The following NUP43 variants were observed in gnomAD, a reference collection of about 807,000 sequenced individuals.
NUP43 encodes the protein nucleoporin Nup43.
NUP43 carries 32 observed loss-of-function variants against 47.3 expected under a neutral mutation model. That is an observed-to-expected ratio of 0.68 (90% CI 0.51 to 0.91). The LOEUF (loss-of-function observed/expected upper bound fraction) is 0.91, where lower values mean the gene tolerates loss of function less well. Ranked by LOEUF, NUP43 falls within the 40% of genes least tolerant of loss-of-function variation. The pLI is 0.00. For synonymous variants in NUP43, 147 were observed against 158.4 expected (o/e 0.93, Z 0.54); for missense variants, 444 against 453.9 (o/e 0.98, Z 0.20).
chr6:149,734,014 G>A (rs1431645191), intron 6 of NUP43, among the ~76,000 whole-genome samples: 2 of 151,674 alleles, frequency 1.3e-5, no homozygotes, highest in Non-Finnish European at 2.9e-5. Context: ...AGTAGCGACG[G>A]GCTTTCTCCA....
intron 4 of NUP43, 49 bp from the exon 5 acceptor site, chr6:149,738,827 C>T (rs764992532): frequency 1.6e-6 from 2 of 1,233,968 alleles, no homozygotes; most frequent in Non-Finnish European, 2.1e-6. Context: ...CCCTTTTTTT[C>T]CCAAGAAAAT....
At chr6:149,740,384 A>G (rs1318983926) in intron 4 of NUP43, among the ~76,000 whole-genome samples, 1 of 152,010 alleles carries the variant, frequency 6.6e-6, no homozygotes, top group Non-Finnish European at 1.5e-5. Flanking sequence ...TAATCCCAGC[A>G]CTTTGGGAGG....
At chr6:149,747,475 A>C (rs1786073643), upstream of NUP43, among the ~76,000 whole-genome samples, 1 of 141,696 alleles carries the variant, frequency 7.1e-6, no homozygotes, top group African/African-American at 2.7e-5. Context: ...TTTTGGAGAG[A>C]CGGGATTTCA....
At chr6:149,733,053 C>T (rs1785141751) in intron 6 of NUP43, among the ~76,000 whole-genome samples, 6 of 151,974 alleles carry the variant, frequency 3.9e-5, no homozygotes, top group Admixed American at 3.9e-4. Context: ...CTAGGAATGA[C>T]TGTCTTTTAC....
chr6:149,727,121 G>A lies in NUP43; in HGVS notation c.991C>T (p.Leu331Phe). 1 of 1,614,154 alleles carries A rather than the reference G, an allele frequency of 6.2e-7. No individual in the cohort carries two copies. Among genetic ancestry groups the A allele is most frequent in the Non-Finnish European group, 8.5e-7 (1 of 1,180,016 alleles). ...NVHQSVISSW[L>F]STDPAKDRIE... The stretch of plus-strand genomic sequence containing the variant: ...CGGTCTTTTGCAGGATCAGTGCTGA[G>A]CCAGGAGCTAATGACAGACTGGTGA... The change falls in exon 8 of 8, where the codon CTC (leucine) becomes TTC (phenylalanine). Residue 331 changes from leucine (L) to phenylalanine (F), a missense_variant. By Grantham distance (22) the Leu-to-Phe change is conservative (BLOSUM62 0). Transcript: ENST00000340413.
chr6:149,730,011 CTTT>C (rs748964252), intron 7 of NUP43, among the ~76,000 whole-genome samples: 6 of 142,006 alleles, frequency 4.2e-5, no homozygotes, highest in Non-Finnish European at 4.7e-5. Flanking sequence ...AAAGCACGCC[CTTT>C]TTTTTTTTTT....
At chr6:149,736,655 A>C in intron 5 of NUP43, 33 bp from the exon 6 acceptor site, 1 of 1,535,082 alleles carries the variant, frequency 6.5e-7, no homozygotes, top group Non-Finnish European at 8.9e-7. Flanking sequence ...CGTCAAAATC[A>C]AATAAAGTAT....
rs1426283405 is a variant in NUP43, at chr6:149,745,962, T to C, written c.221A>G (p.His74Arg). The part of the protein sequence containing the change: ...DHQLLCDIRH[H>R]GDVMDLQFFD... ...TACCTGTAAATCCATTACATCACCA[T>C]GGTGTCTGATATCACACAATAACTG... Residue 74 changes from histidine to arginine, a missense_variant, in exon 2 of 8, where the codon CAT (histidine) becomes CGT (arginine). Transcript: ENST00000340413. 1 of 1,612,676 alleles carries C rather than the reference T, an allele frequency of 6.2e-7. No homozygotes were observed. The highest frequency in any genetic ancestry group is 1.7e-5 in the Admixed American group (1 of 59,660).
At chr6:149,739,471 G>A (rs961052068) in intron 4 of NUP43, among the ~76,000 whole-genome samples, 22 of 151,784 alleles carry the variant, frequency 1.4e-4, no homozygotes, top group African/African-American at 5.3e-4. Flanking sequence ...ATTTTTAGTA[G>A]AGACGGAGTT....
chr6:149,739,837 C>T (rs139436026), intron 4 of NUP43, among the ~76,000 whole-genome samples: 3 of 152,256 alleles, frequency 2.0e-5, no homozygotes, highest in Admixed American at 6.5e-5. Context: ...CAACTCTCGC[C>T]CTCTCCATGA....
intron 5 of NUP43, 93 bp from the exon 6 acceptor site, chr6:149,736,715 C>T: frequency 9.1e-7 from 1 of 1,104,956 alleles, no homozygotes; most frequent in Non-Finnish European, 1.3e-6. Flanking sequence ...TGTTTTGAGA[C>T]AAGGCCTCAC....
intron 7 of NUP43, chr6:149,728,251 C>T: frequency 1.0e-6 from 1 of 977,698 alleles, no homozygotes; most frequent in Non-Finnish European, 1.2e-6. Context: ...GTGTCTAATA[C>T]TGTGCCTTGC....
chr6:149,741,927 T>C (rs755102135), intron 4 of NUP43, among the ~76,000 whole-genome samples: 2 of 151,998 alleles, frequency 1.3e-5, no homozygotes, highest in Non-Finnish European at 2.9e-5. Context: ...AGTGCCATCA[T>C]AGCTCACCAC....
chr6:149,746,532 G>C (rs758314673), upstream of NUP43: 8 of 1,614,046 alleles, frequency 5.0e-6, no homozygotes, highest in Non-Finnish European at 6.8e-6. Context: ...CAAAAAGCAA[G>C]CACAGTACGC....
At chr6:149,746,729 T>C (rs899487733), upstream of NUP43, 7 of 1,435,624 alleles carry the variant, frequency 4.9e-6, no homozygotes, top group African/African-American at 1.0e-4. Flanking sequence ...CTTTGAGCAG[T>C]AGGACTTGCT....
Position 149,731,675 on chromosome 6 carries a change from C to A in NUP43, c.851G>T (p.Gly284Val). ...GGAAGCATCCCAGTGCCAGAGGGATCCATCTTCAGAGCAGGTAAAAAGATG... is the reference window on the plus strand; with the variant it reads ...GGAAGCATCCCAGTGCCAGAGGGATACATCTTCAGAGCAGGTAAAAAGATG... Reference protein sequence around the residue: ...PEHLFTCSEDGSLWHWDASTD... With the variant: ...PEHLFTCSEDVSLWHWDASTD... Residue 284 changes from glycine (G) to valine (V), a missense_variant, in exon 7 of 8, where the codon GGA becomes GTA. By Grantham distance (109) the Gly-to-Val change is moderately radical (BLOSUM62 -3). Coordinates refer to ENST00000340413, the MANE Select transcript of NUP43 (RefSeq NM_198887.3). 6.2e-7 allele frequency: 1 copy of A among 1,613,258 alleles called. No homozygotes were observed. The highest frequency in any genetic ancestry group is 8.5e-7 in the Non-Finnish European group (1 of 1,179,444).
intron 7 of NUP43, among the ~76,000 whole-genome samples, chr6:149,730,597 A>G (rs1784985790): frequency 6.6e-6 from 1 of 152,192 alleles, no homozygotes. Context: ...ATGTTTTGCC[A>G]TTAAGTAAAA....
At chr6:149,733,280 T>C (rs1785153690) in intron 6 of NUP43, among the ~76,000 whole-genome samples, 2 of 152,154 alleles carry the variant, frequency 1.3e-5, no homozygotes, top group African/African-American at 4.8e-5. Flanking sequence ...AAACCAAAAT[T>C]TGGAAATGTT....
At chr6:149,729,148 G>A (rs1012513792) in intron 7 of NUP43, among the ~76,000 whole-genome samples, 1 of 151,942 alleles carries the variant, frequency 6.6e-6, no homozygotes, top group South Asian at 2.1e-4. Context: ...CCACCACCAC[G>A]TTCAGCTAAT....
Sources: allele counts gnomAD v4.1 joint callset (sites outside exome capture counted in the v4.1 genomes callset), GRCh38; gene constraint gnomAD v4.1.1; transcripts MANE v1.5; gene names NCBI Gene and HGNC (gene_info 2026-07-23, HGNC 2026-07-21).